Variants in GALNT13 observed in about 807,000 individuals in gnomAD.
GALNT13 encodes UDP-GalNAc:polypeptide N-acetylgalactosaminyltransferase 13.
GALNT13 carries 28 observed loss-of-function variants against 64.2 expected under a neutral mutation model. That is an observed-to-expected ratio of 0.44 (90% CI 0.32 to 0.60). GALNT13 has a LOEUF of 0.60. GALNT13 is among the 20% of genes least tolerant of loss of function. The pLI is 0.05. For synonymous variants in GALNT13, 214 were observed against 224.6 expected (o/e 0.95, Z 0.42); for missense variants, 577 against 669.8 (o/e 0.86, Z 1.53).
At chr2:153,298,750 A>G in the GALNT13 span, among the ~76,000 whole-genome samples, 3 of 152,142 alleles carry the variant, frequency 2.0e-5, no homozygotes, top group Non-Finnish European at 2.9e-5. Context: ...ATGCTTAACC[A>G]AACCCAAGGA....
upstream of GALNT13, among the ~76,000 whole-genome samples, chr2:153,871,652 G>A (rs1157949418): frequency 6.6e-6 from 1 of 152,186 alleles, no homozygotes; most frequent in Non-Finnish European, 1.5e-5. Context: ...TGCTCTTGGG[G>A]GCCGTGCCTG....
the GALNT13 span, among the ~76,000 whole-genome samples, chr2:153,517,536 G>A: frequency 6.6e-6 from 1 of 152,044 alleles, no homozygotes; most frequent in African/African-American, 2.4e-5. Flanking sequence ...GGAACTAATG[G>A]CCAACACTGG....
intron 3 of GALNT13, among the ~76,000 whole-genome samples, chr2:154,000,275 C>T (rs1596638): frequency 0.32 from 48,798 of 151,382 alleles, 11,206 homozygotes; most frequent in East Asian, 0.84. Context: ...CACTGTTCAT[C>T]GGTCTCTTAT....
chr2:154,405,070 A>T (rs1699467271), intron 10 of GALNT13, among the ~76,000 whole-genome samples: 1 of 152,182 alleles, frequency 6.6e-6, no homozygotes, highest in Admixed American at 6.5e-5. Context: ...CAATGCAAGC[A>T]CACCAGTACT....
the GALNT13 span, among the ~76,000 whole-genome samples, chr2:153,482,182 C>T: frequency 6.6e-6 from 1 of 152,160 alleles, no homozygotes; most frequent in East Asian, 1.9e-4. Flanking sequence ...AGTTTTAACT[C>T]ACTTCTTTGT....
At chr2:153,742,886 T>C in the GALNT13 span, among the ~76,000 whole-genome samples, 3 of 149,314 alleles carry the variant, frequency 2.0e-5, no homozygotes, top group Non-Finnish European at 1.5e-5. Flanking sequence ...AACATACTAG[T>C]GCAGTTGTTA....
chr2:154,350,031 C>T (rs1387623398), intron 9 of GALNT13, among the ~76,000 whole-genome samples: 1 of 152,014 alleles, frequency 6.6e-6, no homozygotes, highest in East Asian at 1.9e-4. Context: ...GATTCAAGGA[C>T]AAAAGAAAAA....
At chr2:153,767,144 A>G in the GALNT13 span, among the ~76,000 whole-genome samples, 1 of 152,018 alleles carries the variant, frequency 6.6e-6, no homozygotes, top group Non-Finnish European at 1.5e-5. Flanking sequence ...CTAACTATTT[A>G]TCTATCTATC....
the GALNT13 span, chr2:153,478,889 G>C: frequency 3.1e-6 from 1 of 327,580 alleles, no homozygotes; most frequent in Non-Finnish European, 5.6e-6. Flanking sequence ...TGCAGCGGCG[G>C]GGTGGCTGCG....
chr2:153,398,689 T>C, the GALNT13 span, among the ~76,000 whole-genome samples: 1 of 152,030 alleles, frequency 6.6e-6, no homozygotes, highest in African/African-American at 2.4e-5. Flanking sequence ...ATGAGCATTT[T>C]TTCATGTGTT....
chr2:153,668,515 G>T, the GALNT13 span, among the ~76,000 whole-genome samples: 2 of 152,056 alleles, frequency 1.3e-5, no homozygotes, highest in Non-Finnish European at 2.9e-5. Flanking sequence ...TGCCACTGAG[G>T]AACTGGGACA....
At chr2:154,389,578 T>C (rs1698682397) in intron 9 of GALNT13, among the ~76,000 whole-genome samples, 1 of 152,208 alleles carries the variant, frequency 6.6e-6, no homozygotes, top group African/African-American at 2.4e-5. Context: ...ACAGAACTAT[T>C]AGACTTACTA....
intron 3 of GALNT13, among the ~76,000 whole-genome samples, chr2:154,046,388 G>T (rs745760103): frequency 3.5e-4 from 54 of 152,116 alleles, no homozygotes; most frequent in Non-Finnish European, 1.5e-5. Flanking sequence ...AGTTGGGTCT[G>T]GTGGGCCGTT....
the GALNT13 span, among the ~76,000 whole-genome samples, chr2:153,584,375 T>C: frequency 1.3e-5 from 2 of 152,162 alleles, no homozygotes; most frequent in Non-Finnish European, 2.9e-5. Flanking sequence ...ACCTAAGCAC[T>C]TCTCAGGAAC....
intron 3 of GALNT13, among the ~76,000 whole-genome samples, chr2:154,075,626 C>G (rs1700949205): frequency 6.6e-6 from 1 of 151,694 alleles, no homozygotes; most frequent in Non-Finnish European, 1.5e-5. Context: ...TTGAATATAT[C>G]CGTAATTCCT....
At chr2:153,786,855 G>T in the GALNT13 span, among the ~76,000 whole-genome samples, 7 of 152,130 alleles carry the variant, frequency 4.6e-5, no homozygotes, top group Admixed American at 3.3e-4. Flanking sequence ...CCAACAAGTA[G>T]CAGTTGATCC....
the GALNT13 span, among the ~76,000 whole-genome samples, chr2:153,808,685 T>C: frequency 6.6e-6 from 1 of 152,174 alleles, no homozygotes; most frequent in African/African-American, 2.4e-5. Context: ...GCTTCTTCTC[T>C]CCAACAACTC....
chr2:153,211,534 A>G, the GALNT13 span, among the ~76,000 whole-genome samples: 476 of 152,276 alleles, frequency 3.1e-3, 1 homozygote, highest in Non-Finnish European at 5.3e-3. Context: ...GTTTATTTTT[A>G]TCTTAACATT....
At chr2:153,072,494 A>T in the GALNT13 span, among the ~76,000 whole-genome samples, 1 of 152,188 alleles carries the variant, frequency 6.6e-6, no homozygotes, top group Non-Finnish European at 1.5e-5. Context: ...TTGGAGAAAA[A>T]CTGAGTTATA....
Sources: allele counts gnomAD v4.1 joint callset (sites outside exome capture counted in the v4.1 genomes callset), GRCh38; gene constraint gnomAD v4.1.1; transcripts MANE v1.5; gene names NCBI Gene and HGNC (gene_info 2026-07-23, HGNC 2026-07-21).